The following BACH2 variants were observed in gnomAD, a reference collection of about 807,000 sequenced individuals.
BACH2 encodes BACH transcriptional regulator 2.
BACH2 carries 5 observed loss-of-function variants against 61.8 expected under a neutral mutation model. That is an observed-to-expected ratio of 0.08 (90% CI 0.04 to 0.17). BACH2 has a LOEUF of 0.17. BACH2 is among the 10% of genes least tolerant of loss of function. The pLI, the probability that BACH2 is intolerant of heterozygous loss-of-function variation, is 1.00. For missense variants in BACH2, 824 were observed against 1,091.1 expected (o/e 0.76, Z 3.45); for synonymous variants, 446 against 440.1 (o/e 1.01, Z -0.17).
At chr6:90,122,136 G>T (rs927746291) in intron 4 of BACH2, among the ~76,000 whole-genome samples, 1 of 152,196 alleles carries the variant, frequency 6.6e-6, no homozygotes, top group Admixed American at 6.5e-5. Context: ...AATGACACAC[G>T]TCCAGGCAAA....
At chr6:90,029,499 C>A (rs2127787387) in intron 5 of BACH2, among the ~76,000 whole-genome samples, 1 of 152,250 alleles carries the variant, frequency 6.6e-6, no homozygotes, top group East Asian at 1.9e-4. Flanking sequence ...CATCCTCCCT[C>A]CCTGTTTATG....
chr6:90,289,955 CT>C (rs1772130647), intron 1 of BACH2, among the ~76,000 whole-genome samples: 1 of 152,158 alleles, frequency 6.6e-6, no homozygotes, highest in Non-Finnish European at 1.5e-5. Flanking sequence ...AGAATGTTAA[CT>C]TGTATTTTTT....
intron 7 of BACH2, among the ~76,000 whole-genome samples, chr6:89,943,439 G>T (rs1773553729): frequency 6.6e-6 from 1 of 151,366 alleles, no homozygotes; most frequent in Non-Finnish European, 1.5e-5. Context: ...AGATTATTCT[G>T]TAAGTATTAT....
At chr6:89,968,951 C>A (rs1296818182) in intron 6 of BACH2, among the ~76,000 whole-genome samples, 1 of 151,180 alleles carries the variant, frequency 6.6e-6, no homozygotes. Context: ...GCGGAGGTTG[C>A]AGTAAGCTGA....
intron 6 of BACH2, among the ~76,000 whole-genome samples, chr6:89,978,627 T>C (rs1368463058): frequency 7.7e-6 from 1 of 129,846 alleles, no homozygotes; most frequent in Non-Finnish European, 1.6e-5. Flanking sequence ...TGGGTTGTGT[T>C]GGCTTTAAAA....
chr6:90,093,980 T>C (rs1162664136), intron 4 of BACH2, among the ~76,000 whole-genome samples: 1 of 151,820 alleles, frequency 6.6e-6, no homozygotes, highest in Non-Finnish European at 1.5e-5. Flanking sequence ...AAAAGAGGTA[T>C]CTGAATGGTT....
chr6:90,027,077 A>G (rs1453815616), intron 5 of BACH2, among the ~76,000 whole-genome samples: 1 of 152,162 alleles, frequency 6.6e-6, no homozygotes, highest in Non-Finnish European at 1.5e-5. Context: ...CCATTTAAAA[A>G]TGATGAAAAC....
chr6:90,125,029 C>T (rs1231999121), intron 4 of BACH2, among the ~76,000 whole-genome samples: 2 of 152,110 alleles, frequency 1.3e-5, no homozygotes, highest in Admixed American at 6.5e-5. Context: ...ATACATTTAT[C>T]GGCCATCTGT....
At position 90,167,594 on chromosome 6, in the gene BACH2, G is replaced by A. The variant is rs530559970; in HGVS notation, c.-162+38975C>T. On this transcript the variant is annotated intron_variant, in intron 4 of 8. Coordinates refer to ENST00000257749, the MANE Select transcript of BACH2 (RefSeq NM_021813.4). ...GCTGGTCTCAAACACCTGACCTCAA[G>A]TGATCCAAAATGCCTTGGCTTCCCA... is the stretch of plus-strand genomic sequence containing the variant. 1.7e-4 allele frequency among the ~76,000 whole-genome samples: 26 copies of A among 152,312 alleles called. No individual in the cohort carries two copies. In the South Asian group the frequency reaches 5.2e-3, roughly 30 times the overall value.
intron 5 of BACH2, among the ~76,000 whole-genome samples, chr6:90,017,188 T>G (rs1045870647): frequency 7.4e-5 from 11 of 149,570 alleles, no homozygotes; most frequent in Non-Finnish European, 1.6e-4. Flanking sequence ...AAATGCCCAT[T>G]TTTTTTTTCT....
chr6:90,018,455 C>G (rs149701098), intron 5 of BACH2, among the ~76,000 whole-genome samples: 1 of 152,308 alleles, frequency 6.6e-6, no homozygotes, highest in Non-Finnish European at 1.5e-5. Context: ...CTGGGGATTA[C>G]TATCTTTTGG....
chr6:90,008,320 G>A lies in BACH2; in HGVS notation c.243+282C>T. 2.1e-6 allele frequency: 1 copy of A among 486,792 alleles called. No individual in the cohort carries two copies. Among genetic ancestry groups the A allele is most frequent in the South Asian group, 2.2e-5 (1 of 45,344 alleles). The allele number at this position is 486,792 out of a possible 1,614,324, so 30.2% of individuals were successfully genotyped here. ...ACATCTAGGACTGTGCCAAACTTAG[G>A]CTGAACCACTCAAAACCTGAAGGGT... On this transcript the variant is annotated intron_variant, in intron 6 of 8. Coordinates refer to ENST00000257749, the MANE Select transcript of BACH2 (RefSeq NM_021813.4). The surrounding 1 kb of genome is among the most constrained non-coding windows in gnomAD (Gnocchi z 4.1).
chr6:90,116,752 C>A, intron 4 of BACH2: 2 of 443,950 alleles, frequency 4.5e-6, no homozygotes, highest in Non-Finnish European at 8.5e-6. Context: ...CCACATAAGT[C>A]TTCTTGGTTA....
At chr6:90,194,750 T>C (rs894846232) in intron 4 of BACH2, among the ~76,000 whole-genome samples, 1 of 152,234 alleles carries the variant, frequency 6.6e-6, no homozygotes, top group East Asian at 1.9e-4. Context: ...AGCTTTGTCA[T>C]GACATTCAGC....
chr6:89,985,505 G>A (rs1321304552), intron 6 of BACH2, among the ~76,000 whole-genome samples: 1 of 152,086 alleles, frequency 6.6e-6, no homozygotes, highest in African/African-American at 2.4e-5. Context: ...ACAGACATCC[G>A]TCCATCCGGC....
chr6:90,128,034 C>A (rs746574138), intron 4 of BACH2, among the ~76,000 whole-genome samples: 20 of 151,776 alleles, frequency 1.3e-4, no homozygotes, highest in Admixed American at 2.6e-4. Context: ...TCCCTTATGC[C>A]CCCCCATCTC....
At chr6:89,949,209 G>T (rs375663894) in intron 7 of BACH2, among the ~76,000 whole-genome samples, 3 of 152,180 alleles carry the variant, frequency 2.0e-5, no homozygotes, top group Admixed American at 2.0e-4. Context: ...CAAGGTTGCC[G>T]GCCTCAGGAG....
At chr6:90,016,104 C>G (rs1778045022) in intron 5 of BACH2, among the ~76,000 whole-genome samples, 2 of 152,098 alleles carry the variant, frequency 1.3e-5, no homozygotes, top group South Asian at 4.1e-4. Flanking sequence ...GGTGTTAGCA[C>G]AGTATATCTT....
chr6:90,007,458 C>A (rs1777470555), intron 6 of BACH2, among the ~76,000 whole-genome samples: 1 of 152,124 alleles, frequency 6.6e-6, no homozygotes, highest in Non-Finnish European at 1.5e-5. Flanking sequence ...CACTCTACTG[C>A]ACCTGGCTTC....
Sources: gnomAD v4.1 joint callset for allele counts (sites outside exome capture counted in the v4.1 genomes callset) on GRCh38, gnomAD v4.1.1 for gene constraint, Gnocchi (gnomAD v3.1) non-coding constraint, MANE v1.5 for transcripts, NCBI Gene and HGNC (gene_info 2026-07-23, HGNC 2026-07-21) for gene names.